The following MID2 variants were observed in gnomAD, a reference collection of about 807,000 sequenced individuals.
MID2 encodes the protein probable E3 ubiquitin-protein ligase MID2.
In MID2, 13 loss-of-function variants were observed where a neutral mutation model predicts 46.1. The observed-to-expected ratio is 0.28, with a 90% confidence interval of 0.18 to 0.45. The LOEUF (loss-of-function observed/expected upper bound fraction) is 0.45. MID2 is among the 20% of genes least tolerant of loss of function. The pLI is 1.00. For synonymous variants in MID2, 199 were observed against 212.3 expected (o/e 0.94, Z 0.55); for missense variants, 431 against 575.4 (o/e 0.75, Z 2.57).
chrX:107,854,563 C>G, intron 2 of MID2, 46 bp from the exon 3 acceptor site: 1 of 957,162 alleles, frequency 1.0e-6, no homozygotes, highest in Non-Finnish European at 1.5e-6. Context: ...TTCTTTTTTC[C>G]CCTCTTCTCG....
At chrX:107,862,498 A>G (rs2147838271) in intron 3 of MID2, among the ~76,000 whole-genome samples, 1 of 112,373 alleles carries the variant, frequency 8.9e-6, no homozygotes, top group South Asian at 3.7e-4. Context: ...GATGTGATAG[A>G]CTAAAAAGGG....
chrX:107,884,020 C>T (rs917197727), intron 3 of MID2, among the ~76,000 whole-genome samples: 9 of 112,530 alleles, frequency 8.0e-5, no homozygotes, highest in Admixed American at 7.5e-4. Flanking sequence ...GATCTATCCA[C>T]ATTTTACAGA....
intron 2 of MID2, among the ~76,000 whole-genome samples, chrX:107,852,094 G>T (rs1188085290): frequency 9.0e-6 from 1 of 111,214 alleles, no homozygotes; most frequent in African/African-American, 3.3e-5. Flanking sequence ...GTTTCACCAT[G>T]TTGGCCAGGC....
chrX:107,849,822 T>C (rs1318357775), intron 2 of MID2, among the ~76,000 whole-genome samples: 1 of 112,173 alleles, frequency 8.9e-6, no homozygotes, highest in Admixed American at 9.4e-5. Context: ...GTATCACAGT[T>C]TCATAAACTA....
At chrX:107,860,998 A>G (rs1367153525) in intron 3 of MID2, among the ~76,000 whole-genome samples, 3 of 112,021 alleles carry the variant, frequency 2.7e-5, no homozygotes, top group African/African-American at 9.8e-5. Flanking sequence ...ACCAAGGTAC[A>G]CGCCACTTGG....
chrX:107,827,803 CTG>C (rs1044896453), intron 1 of MID2, among the ~76,000 whole-genome samples: 21 of 103,748 alleles, frequency 2.0e-4, no homozygotes, highest in African/African-American at 6.7e-4. Context: ...GAGGGAGAAA[CTG>C]TCTTTGCTAT....
At chrX:107,883,138 G>A (rs1932363709) in intron 3 of MID2, among the ~76,000 whole-genome samples, 1 of 111,391 alleles carries the variant, frequency 9.0e-6, no homozygotes, top group Non-Finnish European at 1.9e-5. Context: ...ACTCATAAGT[G>A]GGAATTGAAC....
intron 3 of MID2, among the ~76,000 whole-genome samples, chrX:107,871,428 A>AG (rs1263931073): frequency 9.0e-6 from 1 of 111,418 alleles, no homozygotes; most frequent in Non-Finnish European, 1.9e-5. Flanking sequence ...AGCAGCATCT[A>AG]GGGGGGTGTC....
At chrX:107,880,524 C>T (rs1932296976) in intron 3 of MID2, among the ~76,000 whole-genome samples, 2 of 111,205 alleles carry the variant, frequency 1.8e-5, no homozygotes, top group African/African-American at 6.5e-5. Context: ...GGTCGGAGCA[C>T]ATGAGTGATT....
In MID2 at chrX:107,894,451, A is replaced by T. The variant is rs1057175785; in HGVS notation, c.817-9507A>T. On this transcript the variant is annotated intron_variant, in intron 3 of 9. Transcript: ENST00000262843. ...GGTCTCCTAGAGGTGTTGTTATTCC[A>T]ACGTCTCTCCAAATCTTTCATAATT... The T allele has an allele frequency of 1.2e-4, 14 of 112,113 alleles. No individual in the cohort carries two copies. In the Admixed American group the frequency reaches 1.3e-3, roughly 11 times the overall value. The allele number at this position is 112,113 out of a possible 1,213,427, so 9.2% of individuals were successfully genotyped here.
intron 8 of MID2, among the ~76,000 whole-genome samples, chrX:107,925,704 C>A (rs923777973): frequency 9.0e-6 from 1 of 111,306 alleles, no homozygotes; most frequent in African/African-American, 3.3e-5. Context: ...AAGCAAAGTA[C>A]AAAACATATT....
At chrX:107,895,783 G>A (rs1932718022) in intron 3 of MID2, 1 of 112,159 alleles carries the variant, frequency 8.9e-6, no homozygotes, top group Non-Finnish European at 1.9e-5. Flanking sequence ...AAAGAACACT[G>A]GATAGGACTC....
At chrX:107,845,525 A>ACACACACACTCTCTCTCT (rs1276957001) in intron 2 of MID2, among the ~76,000 whole-genome samples, 1 of 72,982 alleles carries the variant, frequency 1.4e-5, no homozygotes, top group African/African-American at 7.6e-5. Context: ...ACACACACAC[A>ACACACACACTCTCTCTCT]CTCTCTCTCT....
Position 107,840,886 on chromosome X carries a change from T to C in MID2, c.221T>C (p.Phe74Ser). 8.3e-7 allele frequency: 1 copy of C among 1,211,327 alleles called. No homozygotes were observed. Among genetic ancestry groups the C allele is most frequent in the Non-Finnish European group, 1.1e-6 (1 of 895,292 alleles). The change falls in exon 2 of 10, where the codon TTC becomes TCC. Residue 74 changes from phenylalanine (F) to serine (S), a missense_variant. Coordinates refer to ENST00000262843, the MANE Select transcript of MID2 (RefSeq NM_012216.4). ...GAATCCATTGAACCCATTACTGCTTTCCAGTGTCCTACCTGCAGGTATGTT... is the reference window on the plus strand; with the variant it reads ...GAATCCATTGAACCCATTACTGCTTCCCAGTGTCCTACCTGCAGGTATGTT... ...SGESIEPITA[F>S]QCPTCRYVIS...
chrX:107,890,300 T>A (rs1362548229), intron 3 of MID2, among the ~76,000 whole-genome samples: 1 of 112,266 alleles, frequency 8.9e-6, no homozygotes, highest in African/African-American at 3.2e-5. Flanking sequence ...GGTTTTGGTG[T>A]GGATGTCCTT....
intron 3 of MID2, among the ~76,000 whole-genome samples, chrX:107,866,222 T>C (rs1931952452): frequency 8.9e-6 from 1 of 112,035 alleles, no homozygotes. Context: ...TCAGGAGGAT[T>C]CCATTGGCTT....
chrX:107,840,916 C>T lies in MID2; in HGVS notation c.251C>T (p.Ser84Leu), dbSNP rs1169090929. The stretch of plus-strand genomic sequence containing the variant: ...TGTCCTACCTGCAGGTATGTTATCT[C>T]GCTGAACCACCGGGGCCTGGATGGC... ...FQCPTCRYVISLNHRGLDGLK... is the reference protein window; with the variant it reads ...FQCPTCRYVILLNHRGLDGLK... The change falls in exon 2 of 10, where the codon TCG (serine) becomes TTG (leucine). Residue 84 changes from serine (S) to leucine (L), a missense_variant. Physicochemically the swap from Ser to Leu is moderately radical, Grantham distance 145. Coordinates refer to ENST00000262843, the MANE Select transcript of MID2 (RefSeq NM_012216.4). The T allele has an allele frequency of 6.6e-6, 8 of 1,209,170 alleles. No individual in the cohort carries two copies. Among genetic ancestry groups the T allele is most frequent in the Middle Eastern group, 2.3e-4 (1 of 4,376 alleles).
chrX:107,851,117 A>G (rs1931601952), intron 2 of MID2, among the ~76,000 whole-genome samples: 1 of 111,736 alleles, frequency 8.9e-6, no homozygotes, highest in African/African-American at 3.3e-5. Context: ...AATTTGGGCC[A>G]CTGCTAGAGA....
chrX:107,884,009 T>C (rs1932388321), intron 3 of MID2, among the ~76,000 whole-genome samples: 1 of 112,600 alleles, frequency 8.9e-6, no homozygotes, highest in Non-Finnish European at 1.9e-5. Flanking sequence ...TTAAGAAGAA[T>C]GATCTATCCA....
Sources: allele counts gnomAD v4.1 joint callset (sites outside exome capture counted in the v4.1 genomes callset), GRCh38; gene constraint gnomAD v4.1.1; transcripts MANE v1.5; gene names NCBI Gene and HGNC (gene_info 2026-07-23, HGNC 2026-07-21).